HRNR: variants seen among roughly 807,000 people sequenced by gnomAD.
The protein encoded by HRNR is filaggrin family member 3.
A neutral mutation model predicts 4.8 loss-of-function variants in HRNR; 7 were observed. The observed-to-expected ratio is 1.47, with a 90% CI of 0.83 to 2.75. HRNR has a LOEUF of 2.75. Among genes scored for constraint, HRNR ranks in the 30% most tolerant of loss-of-function variants. The probability of loss-of-function intolerance (pLI) is 0.00; values close to 1 mark genes in which losing one functional copy is unlikely to be tolerated. For missense variants in HRNR, 2,879 were observed against 3,010.4 expected, an observed-to-expected ratio of 0.96 and a Z score of 1.02; for synonymous variants, 1,023 against 1,242.7, an observed-to-expected ratio of 0.82 and a Z score of 3.72.
intron 2 of HRNR, among the ~76,000 whole-genome samples, chr1:152,221,953 A>G (rs1649019282): frequency 1.3e-5 from 2 of 152,258 alleles, no homozygotes; most frequent in Admixed American, 1.3e-4. Flanking sequence ...CCTGAAAAAA[A>G]ATGGAATTTA....
chr1:152,220,127 GA>G lies in HRNR; in HGVS notation c.1501del (p.Ser501HisfsTer84). ...HGQHGSRSGQ[S>X]SRGERQGSSA... is the part of the protein sequence containing the mutation. Reference sequence around the variant, plus strand: ...AGATCCTTGTCGTTCACCCCTAGATGACTGTCCTGACCTAGAGCCGTGTTGT... The same window carrying G: ...AGATCCTTGTCGTTCACCCCTAGATGCTGTCCTGACCTAGAGCCGTGTTGT... On this transcript the variant is annotated frameshift_variant, in exon 3 of 3. Transcript: ENST00000368801. LOFTEE classifies it low-confidence loss of function (END_TRUNC). The G allele has an allele frequency of 6.2e-7, 1 of 1,613,420 alleles. No individual in the cohort carries two copies. Among genetic ancestry groups the G allele is most frequent in the Non-Finnish European group, 8.5e-7 (1 of 1,179,544 alleles).
In HRNR at chr1:152,219,165, A is replaced by G. The variant is rs377529619; in HGVS notation, c.2464T>C (p.Ser822Pro). ...GQASGFGQHE[S>P]GSGQGYSQHG... ...TGACTATAGCCCTGTCCTGAGCCAG[A>G]CTCGTGTTGCCCAAAACCAGAAGCC... The change falls in exon 3 of 3, where the codon TCT becomes CCT. Residue 822 changes from serine to proline, a missense_variant. By Grantham distance (74) the Ser-to-Pro change is moderately conservative (BLOSUM62 -1). Around this residue, in one of 8 missense-constraint regions of HRNR, gnomAD observed 2,646 missense variants for 1,377.7 expected, o/e 1.92. Coordinates refer to ENST00000368801, the MANE Select transcript of HRNR (RefSeq NM_001009931.3). 4 of 1,612,480 alleles carry G rather than the reference A, an allele frequency of 2.5e-6. No homozygotes were observed. Among genetic ancestry groups the G allele is most frequent in the Non-Finnish European group, 3.4e-6 (4 of 1,179,810 alleles).
Position 152,220,836 on chromosome 1 carries a change from C to G in HRNR, c.793G>C (p.Gly265Arg). 1 of 1,613,934 alleles carries G rather than the reference C, an allele frequency of 6.2e-7. No individual in the cohort carries two copies. The highest frequency in any genetic ancestry group is 8.5e-7 in the Non-Finnish European group (1 of 1,179,962). ...TGTCGTTCACCCCTAGATGACTGTC[C>G]TGACCTAGAGCCGTGTTGTCCGTAG... ...SGYGQHGSRS[G>R]QSSRGERHRS... Residue 265 changes from glycine to arginine, a missense_variant, in exon 3 of 3, where the codon GGA becomes CGA. By Grantham distance (125) the Gly-to-Arg change is moderately radical (BLOSUM62 -2). Around this residue, in one of 8 missense-constraint regions of HRNR, gnomAD observed 2,646 missense variants for 1,377.7 expected, o/e 1.92. Coordinates refer to ENST00000368801, the MANE Select transcript of HRNR (RefSeq NM_001009931.3).
At chr1:152,223,794 A>C (rs1347978597) in intron 1 of HRNR, among the ~76,000 whole-genome samples, 1 of 152,204 alleles carries the variant, frequency 6.6e-6, no homozygotes, top group African/African-American at 2.4e-5. Context: ...GGTAACTGCT[A>C]TTAGATCCAG....
rs1408340729 is a variant in HRNR, at chr1:152,220,636, G to A, written c.993C>T (p.Tyr331=). 5.0e-6 allele frequency: 8 copies of A among 1,611,872 alleles called. No individual in the cohort carries two copies. Among genetic ancestry groups the A allele is most frequent in the South Asian group, 1.1e-5 (1 of 90,884 alleles). The change falls in exon 3 of 3, where the codon TAC becomes TAT. Residue 331 remains tyrosine (Y), a synonymous_variant. Transcript: ENST00000368801. The stretch of plus-strand genomic sequence containing the variant: ...ACTCATAATGGCCACGGCTGTAAGA[G>A]TAACTTGAGCCAGACCCGTGTTGGC... The part of the protein sequence containing the change: ...SHGQHGSGSS[Y]SYSRGHYESG...
At position 152,219,051 on chromosome 1, in the gene HRNR, T is replaced by C. The variant is rs768685268; in HGVS notation, c.2578A>G (p.Ser860Gly). ...QSSSSGQHDS[S>G]SGQSSSYGQH... ...CCATAGCTGGAAGATTGACCTGAGCTAGAGTCATGTTGGCCGGAGCTTGAT... is the reference window on the plus strand; with the variant it reads ...CCATAGCTGGAAGATTGACCTGAGCCAGAGTCATGTTGGCCGGAGCTTGAT... Residue 860 changes from serine (S) to glycine (G), a missense_variant, in exon 3 of 3, where the codon AGC (serine) becomes GGC (glycine). Physicochemically the swap from Ser to Gly is moderately conservative, Grantham distance 56 (BLOSUM62 0). Transcript: ENST00000368801. 8.1e-6 allele frequency: 13 copies of C among 1,613,470 alleles called. No individual in the cohort carries two copies. In the South Asian group the frequency reaches 9.9e-5, roughly 12 times the overall value.
intron 2 of HRNR, among the ~76,000 whole-genome samples, chr1:152,221,989 C>G (rs935929096): frequency 2.6e-5 from 4 of 151,972 alleles, no homozygotes; most frequent in African/African-American, 9.7e-5. Flanking sequence ...GATATACAAA[C>G]TTAAAATTAT....
chr1:152,220,886 C>T lies in HRNR; in HGVS notation c.743G>A (p.Gly248Glu), dbSNP rs768941014. The T allele has an allele frequency of 8.7e-6, 14 of 1,614,054 alleles. No homozygotes were observed. In the East Asian group the frequency reaches 2.2e-4, roughly 26 times the overall value. The change falls in exon 3 of 3, where the codon GGA (glycine) becomes GAA (glutamate). Residue 248 changes from glycine to glutamate, a missense_variant. By Grantham distance (98) the Gly-to-Glu change is moderately conservative. Transcript: ENST00000368801. ...GCCAGAGGAGTGACCTGAGCCAGAT[C>T]CATGCTGACTGTAACCAGAGGACTG... ...SGQSSGYSQH[G>E]SGSGHSSGYG...
rs147434911 is a variant in HRNR, at chr1:152,221,124, G to C, written c.505C>G (p.His169Asp). ...LSFQRDFSGQ[H>D]NSYSGQSSSY... Reference sequence around the variant, plus strand: ...GAAGACTGACCTGAGTAGGAGTTATGTTGGCCAGAAAAGTCTCTTTGAAAA... The same window carrying C: ...GAAGACTGACCTGAGTAGGAGTTATCTTGGCCAGAAAAGTCTCTTTGAAAA... Residue 169 changes from histidine (H) to aspartate (D), a missense_variant, in exon 3 of 3, where the codon CAT becomes GAT. His to Asp is a moderately conservative substitution (Grantham distance 81). Coordinates refer to ENST00000368801, the MANE Select transcript of HRNR (RefSeq NM_001009931.3). 1.2e-5 allele frequency: 20 copies of C among 1,614,120 alleles called. No individual in the cohort carries two copies. In the African/African-American group the frequency reaches 2.4e-4, roughly 19 times the overall value.
chr1:152,220,223 T>G lies in HRNR; in HGVS notation c.1406A>C (p.Glu469Ala), dbSNP rs900056041. Residue 469 changes from glutamate to alanine, a missense_variant, in exon 3 of 3, where the codon GAG becomes GCG. Transcript: ENST00000368801. ...SGYSSGFGHHESSSEHSSGYT... is the reference protein window; with the variant it reads ...SGYSSGFGHHASSSEHSSGYT... ...ACCAGAGGAATGCTCTGAGCTAGAC[T>G]CGTGGTGACCAAAGCCAGAAGAGTA... 1.9e-6 allele frequency: 3 copies of G among 1,613,544 alleles called. No individual in the cohort carries two copies. Among genetic ancestry groups the G allele is most frequent in the African/African-American group, 1.3e-5 (1 of 74,900 alleles).
rs138042599 is a variant in HRNR at position 152,220,161 on chromosome 1, C to T, written c.1468G>A (p.Gly490Ser). Residue 490 changes from glycine (G) to serine (S), a missense_variant, in exon 3 of 3, where the codon GGC (glycine) becomes AGC (serine). By Grantham distance (56) the Gly-to-Ser change is moderately conservative. Around this residue, in one of 8 missense-constraint regions of HRNR, gnomAD observed 2,646 missense variants for 1,377.7 expected, o/e 1.92. Transcript: ENST00000368801. ...GACCTAGAGCCGTGTTGTCCGTGGC[C>T]GGAGGAGTGACCTGAGCCAGATCCA... ...QHGSGSGHSSGHGQHGSRSGQ... is the reference protein window; with the variant it reads ...QHGSGSGHSSSHGQHGSRSGQ... 180 of 1,612,576 alleles carry T rather than the reference C, an allele frequency of 1.1e-4. No individual in the cohort carries two copies. The highest frequency in any genetic ancestry group is 1.5e-4 in the African/African-American group (11 of 74,618).
At chr1:152,223,624 T>A (rs1649072716) in intron 1 of HRNR, among the ~76,000 whole-genome samples, 1 of 152,212 alleles carries the variant, frequency 6.6e-6, no homozygotes, top group Non-Finnish European at 1.5e-5. Flanking sequence ...TTCCTCTTTC[T>A]AGGTTCGAAG....
chr1:152,213,114 C>A lies in HRNR; in HGVS notation c.8515G>T (p.Glu2839Ter), dbSNP rs1490556321. 6.2e-7 allele frequency: 1 copy of A among 1,613,924 alleles called. No individual in the cohort carries two copies. The highest frequency in any genetic ancestry group is 8.5e-7 in the Non-Finnish European group (1 of 1,179,978). Reference protein sequence around the residue: ...LSFPSSTSPYEYVQEQRCYFY... With the variant: ...LSFPSSTSPY The stretch of plus-strand genomic sequence containing the variant: ...TAGCACCTCTGCTCTTGGACATATT[C>A]ATAGGGTGAAGTGCTACTAGGAAAA... Residue 2839 changes from glutamate to a stop codon, truncating the protein, a stop_gained, in exon 3 of 3, where the codon GAA becomes TAA. Coordinates refer to ENST00000368801, the MANE Select transcript of HRNR (RefSeq NM_001009931.3). LOFTEE classifies it low-confidence loss of function (END_TRUNC).
Position 152,219,476 on chromosome 1 carries a change from G to C in HRNR, c.2153C>G (p.Ser718Cys), listed in dbSNP as rs1436258158. ...GQSSGYSQHGSGSSHSSGYRK... is the reference protein window; with the variant it reads ...GQSSGYSQHGCGSSHSSGYRK... ...GTAGCCGGAGGAGTGACTTGAGCCA[G>C]ATCCATGCTGACTGTAACCAGAGGA... The change falls in exon 3 of 3, where the codon TCT becomes TGT. Residue 718 changes from serine (S) to cysteine (C), a missense_variant. Around this residue, in one of 8 missense-constraint regions of HRNR, gnomAD observed 2,646 missense variants for 1,377.7 expected, o/e 1.92. Transcript: ENST00000368801. The C allele has an allele frequency of 1.2e-6, 2 of 1,614,082 alleles. No individual in the cohort carries two copies. Among genetic ancestry groups the C allele is most frequent in the Non-Finnish European group, 1.7e-6 (2 of 1,180,018 alleles).
At position 152,218,561 on chromosome 1, in the gene HRNR, C is replaced by A. The variant is rs201235451; in HGVS notation, c.3068G>T (p.Ser1023Ile). 9.0e-5 allele frequency: 146 copies of A among 1,613,800 alleles called. 1 individual carries two copies. Among genetic ancestry groups the A allele is most frequent in the Non-Finnish European group, 1.2e-4 (140 of 1,179,970 alleles). The part of the protein sequence containing the change: ...RHGSGSGQSS[S>I]YGPYRSGSGW... Reference sequence around the variant, plus strand: ...TGAGCCAGACCTATATGGGCCATAGCTGGAAGACTGCCCGGAACCAGACCC... The same window carrying A: ...TGAGCCAGACCTATATGGGCCATAGATGGAAGACTGCCCGGAACCAGACCC... The change falls in exon 3 of 3, where the codon AGC (serine) becomes ATC (isoleucine). Residue 1023 changes from serine (S) to isoleucine (I), a missense_variant. By Grantham distance (142) the Ser-to-Ile change is moderately radical. Transcript: ENST00000368801.
rs1478144201 is a variant in HRNR at position 152,220,276 on chromosome 1, G to T, written c.1353C>A (p.Ser451Arg). 1 of 1,614,056 alleles carries T rather than the reference G, an allele frequency of 6.2e-7. No individual in the cohort carries two copies. Among genetic ancestry groups the T allele is most frequent in the Middle Eastern group, 1.6e-4 (1 of 6,062 alleles). ...CTGAACCAGACACATATGGGCCACT[G>T]CTGGAAGATCGACCAAAGCCAGTCC... ...QHGTGFGRSSSSGPYVSGSGY... is the reference protein window; with the variant it reads ...QHGTGFGRSSRSGPYVSGSGY... The change falls in exon 3 of 3, where the codon AGC (serine) becomes AGA (arginine). Residue 451 changes from serine (S) to arginine (R), a missense_variant. Physicochemically the swap from Ser to Arg is moderately radical, Grantham distance 110 (BLOSUM62 -1). Coordinates refer to ENST00000368801, the MANE Select transcript of HRNR (RefSeq NM_001009931.3).
At position 152,219,869 on chromosome 1, in the gene HRNR, T is replaced by C. The variant is rs201037339; in HGVS notation, c.1760A>G (p.Gln587Arg). 4.5e-4 allele frequency: 731 copies of C among 1,613,142 alleles called. No individual in the cohort carries two copies. The highest frequency in any genetic ancestry group is 1.3e-3 in the Middle Eastern group (8 of 6,056). The change falls in exon 3 of 3, where the codon CAA becomes CGA. Residue 587 changes from glutamine (Q) to arginine (R), a missense_variant. Around this residue, in one of 8 missense-constraint regions of HRNR, gnomAD observed 2,646 missense variants for 1,377.7 expected, o/e 1.92. Transcript: ENST00000368801. ...GSGHSSGLGH[Q>R]ESRSGQSSGY... is the part of the protein sequence containing the mutation. ...AGAGGACTGTCCTGAGCGAGACTCT[T>C]GGTGACCTAAGCCAGAAGAGTGACC...
Position 152,220,471 on chromosome 1 carries a change from G to A in HRNR, c.1158C>T (p.Ser386=). 6.2e-7 allele frequency: 1 copy of A among 1,611,466 alleles called. No individual in the cohort carries two copies. Among genetic ancestry groups the A allele is most frequent in the Non-Finnish European group, 8.5e-7 (1 of 1,178,742 alleles). ...QHGSTSGQAS[S]SGQHGSSSRQ... is the part of the protein sequence containing the mutation. ...GTGAGCTGGAGCCATGTTGGCCAGA[G>A]CTTGATGCCTGCCCTGACGTAGATC... Residue 386 remains serine, a synonymous_variant, in exon 3 of 3, where the codon AGC becomes AGT. Transcript: ENST00000368801.
At chr1:152,222,516 A>G (rs1649032045) in intron 2 of HRNR, among the ~76,000 whole-genome samples, 2 of 152,286 alleles carry the variant, frequency 1.3e-5, no homozygotes, top group South Asian at 4.2e-4. Context: ...GTTAGAAGGT[A>G]GTGGTGTCTG....
Sources: gnomAD v4.1 joint callset for allele counts (sites outside exome capture counted in the v4.1 genomes callset) on GRCh38, gnomAD v4.1.1 for gene constraint, gnomAD v4.1.1 regional missense constraint, MANE v1.5 for transcripts, NCBI Gene and HGNC (gene_info 2026-07-23, HGNC 2026-07-21) for gene names.